Variants in WDPCP observed in about 807,000 individuals in gnomAD.
WDPCP encodes WD repeat containing planar cell polarity effector, also known as WD repeat-containing and planar cell polarity effector protein fritz homolog.
WDPCP carries 71 observed loss-of-function variants against 93.1 expected under a neutral mutation model. That is an observed-to-expected ratio of 0.76 (90% CI 0.63 to 0.93). The LOEUF is 0.93. Ranked by LOEUF, WDPCP falls within the 40% of genes least tolerant of loss-of-function variation. The pLI is 0.00. For missense variants in WDPCP, 844 were observed against 887.4 expected, an observed-to-expected ratio of 0.95 and a Z score of 0.62; for synonymous variants, 315 against 315.0, an observed-to-expected ratio of 1.00 and a Z score of 0.00.
At chr2:63,439,202 C>A (rs1697337348) in intron 7 of WDPCP, among the ~76,000 whole-genome samples, 1 of 152,092 alleles carries the variant, frequency 6.6e-6, no homozygotes, top group Non-Finnish European at 1.5e-5. Flanking sequence ...GGCTTAATAT[C>A]TTTTTCTTAT....
At chr2:63,184,311 C>T (rs1674468104) in intron 14 of WDPCP, among the ~76,000 whole-genome samples, 1 of 151,642 alleles carries the variant, frequency 6.6e-6, no homozygotes, top group Admixed American at 6.6e-5. Flanking sequence ...TTTTATAAGA[C>T]CTGTGAGTTT....
intron 17 of WDPCP, among the ~76,000 whole-genome samples, chr2:63,140,657 A>G (rs1465296198): frequency 1.3e-5 from 2 of 151,600 alleles, no homozygotes; most frequent in Non-Finnish European, 2.9e-5. Flanking sequence ...TTTGTATATT[A>G]ATCTTGTATC....
Position 63,119,585 on chromosome 2 carries a change from A to G in WDPCP, c.*2421T>C, listed in dbSNP as rs1473326653. The G allele has an allele frequency of 6.6e-6, 1 of 152,244 alleles. No homozygotes were observed. Among genetic ancestry groups the G allele is most frequent in the Non-Finnish European group, 1.5e-5 (1 of 68,038 alleles). The allele number at this position is 152,244 out of a possible 1,614,324, so 9.4% of individuals were successfully genotyped here. A position where few individuals can be genotyped will look rare whatever the true frequency, so the allele number is the denominator to read the frequency against. ...TAGCATTCCAAGCAAAGTTTATTCTAGCAATAAGACACAATGTGACAGCTA... is the reference window on the plus strand; with the variant it reads ...TAGCATTCCAAGCAAAGTTTATTCTGGCAATAAGACACAATGTGACAGCTA... On this transcript the variant is annotated 3_prime_UTR_variant, in exon 18 of 18. Transcript: ENST00000272321.
In WDPCP at chr2:63,745,130, A is replaced by G. The variant is rs138518428; in HGVS notation, n.308+68492T>C. Among the ~76,000 whole-genome samples the G allele has an allele frequency of 4.1e-3, 625 of 152,306 alleles. 3 individuals are homozygous for G. The highest frequency in any genetic ancestry group is 0.014 in the African/African-American group (585 of 41,570). Reference sequence around the variant, plus strand: ...CAAGGTATATATTTATGTTATTTTCATAAGTAATGTACTCTACTTTGAGGA... The same window carrying G: ...CAAGGTATATATTTATGTTATTTTCGTAAGTAATGTACTCTACTTTGAGGA... On this transcript the variant is annotated intron_variant and non_coding_transcript_variant, in intron 2 of 4. Coordinates refer to the WDPCP transcript ENST00000467687.
At chr2:63,149,097 T>C (rs1329020988) in intron 17 of WDPCP, among the ~76,000 whole-genome samples, 1 of 151,874 alleles carries the variant, frequency 6.6e-6, no homozygotes, top group Admixed American at 6.6e-5. Flanking sequence ...AAGCAACAAC[T>C]TGGGAGGAGT....
At chr2:63,381,144 A>G (rs1446441198) in intron 11 of WDPCP, among the ~76,000 whole-genome samples, 1 of 152,132 alleles carries the variant, frequency 6.6e-6, no homozygotes, top group Non-Finnish European at 1.5e-5. Flanking sequence ...AAAGATGCAA[A>G]TGTTAGAATG....
In WDPCP at chr2:63,370,630, A is replaced by G. The variant is rs373484187; in HGVS notation, c.1748+7756T>C. On this transcript the variant is annotated intron_variant, in intron 12 of 17. Transcript: ENST00000272321. ...CAATGGAACCTCACTTGCAAAAAAC[A>G]TCTTGGGACTGTAGTTTACTTTATA... is the stretch of plus-strand genomic sequence containing the variant. Among the ~76,000 whole-genome samples, 59 of 152,324 alleles carry G rather than the reference A, an allele frequency of 3.9e-4. 1 individual carries two copies. Among genetic ancestry groups the G allele is most frequent in the Middle Eastern group, 6.8e-3 (2 of 294 alleles).
rs187327051 is a variant in WDPCP at position 63,512,314 on chromosome 2, A to C, written c.76-19374T>G. ...GGTGGGAGTGTAAATTAGTTCAGTC[A>C]CTGTGTCAGACAGTGTGGCGATTCC... On this transcript the variant is annotated intron_variant, in intron 1 of 17. Coordinates refer to ENST00000272321, the MANE Select transcript of WDPCP (RefSeq NM_015910.7). 3.3e-4 allele frequency among the ~76,000 whole-genome samples: 51 copies of C among 152,324 alleles called. 1 individual carries two copies. The East Asian group carries it at 7.3e-3, about 22-fold the overall frequency.
chr2:63,257,559 A>G (rs950834253), intron 14 of WDPCP, among the ~76,000 whole-genome samples: 3 of 152,182 alleles, frequency 2.0e-5, no homozygotes, highest in African/African-American at 7.2e-5. Flanking sequence ...AAACATAGTA[A>G]TCTAGGTCAA....
intron 15 of WDPCP, among the ~76,000 whole-genome samples, chr2:63,156,913 G>A (rs1672295343): frequency 6.6e-6 from 1 of 152,116 alleles, no homozygotes; most frequent in Non-Finnish European, 1.5e-5. Flanking sequence ...TTTTTACCAT[G>A]TTTCCAATCT....
At chr2:63,396,504 G>A (rs933701708) in intron 10 of WDPCP, among the ~76,000 whole-genome samples, 2 of 152,142 alleles carry the variant, frequency 1.3e-5, no homozygotes, top group Non-Finnish European at 2.9e-5. Flanking sequence ...GCATTGTGGG[G>A]ACACTTTAGG....
chr2:63,603,950 C>G lies in WDPCP; in HGVS notation n.488+46709G>C, dbSNP rs557167011. ...GGGATTACAGGCGTAAGCCACCATGCCCAGCCCAAGACATAACTTTCTAAC... is the reference window on the plus strand; with the variant it reads ...GGGATTACAGGCGTAAGCCACCATGGCCAGCCCAAGACATAACTTTCTAAC... On this transcript the variant is annotated intron_variant and non_coding_transcript_variant, in intron 3 of 4. Transcript: ENST00000467687. Among the ~76,000 whole-genome samples the G allele has an allele frequency of 3.9e-5, 6 of 152,334 alleles. No homozygotes were observed. The South Asian group carries it at 1.2e-3, about 32-fold the overall frequency.
chr2:63,230,601 G>A (rs77341125), intron 14 of WDPCP, among the ~76,000 whole-genome samples: 12,725 of 152,134 alleles, frequency 0.084, 719 homozygotes, highest in South Asian at 0.15. Context: ...AGCACCTATT[G>A]TTTCCTGACT....
intron 2 of WDPCP, among the ~76,000 whole-genome samples, chr2:63,733,355 G>A (rs972864226): frequency 2.7e-5 from 4 of 149,316 alleles, no homozygotes; most frequent in Middle Eastern, 3.5e-3. Context: ...GCCCGCCACC[G>A]CGCCCGGCTA....
In WDPCP at chr2:63,303,089, G is replaced by A. The variant is rs535705679; in HGVS notation, c.1812+10159C>T. Among the ~76,000 whole-genome samples the A allele has an allele frequency of 8.7e-4, 133 of 152,302 alleles. No homozygotes were observed. In the Middle Eastern group the frequency reaches 0.01, roughly 12 times the overall value. On this transcript the variant is annotated intron_variant, in intron 13 of 17. Transcript: ENST00000272321. ...ATCCTAAAGGCACATGTATATGTCC[G>A]TGTGTTTCCTACAGGCCCCACCCAA...
At chr2:63,838,729 A>G in the WDPCP span, among the ~76,000 whole-genome samples, 1 of 152,232 alleles carries the variant, frequency 6.6e-6, no homozygotes, top group Non-Finnish European at 1.5e-5. Flanking sequence ...TGCCCAGAGA[A>G]AGCAATTTTT....
Position 63,712,616 on chromosome 2 carries a change from C to A in WDPCP, n.309-61778G>T, listed in dbSNP as rs567940241. ...GCAGCATCAGGCTTTCTCCTGTCTGCCACTACCAGTTATCTATAAGTGGGT... is the reference window on the plus strand; with the variant it reads ...GCAGCATCAGGCTTTCTCCTGTCTGACACTACCAGTTATCTATAAGTGGGT... On this transcript the variant is annotated intron_variant and non_coding_transcript_variant, in intron 2 of 4. Transcript: ENST00000467687. 1.2e-4 allele frequency among the ~76,000 whole-genome samples: 18 copies of A among 152,294 alleles called. 1 individual carries two copies. Among genetic ancestry groups the A allele is most frequent in the African/African-American group, 4.1e-4 (17 of 41,550 alleles).
intron 2 of WDPCP, among the ~76,000 whole-genome samples, chr2:63,747,097 G>A (rs958242566): frequency 7.2e-5 from 11 of 151,992 alleles, no homozygotes; most frequent in East Asian, 1.9e-4. Flanking sequence ...TTGAAATATC[G>A]GGGGCTGAAT....
intron 12 of WDPCP, among the ~76,000 whole-genome samples, chr2:63,373,307 T>C (rs1232739765): frequency 1.3e-5 from 2 of 150,590 alleles, no homozygotes; most frequent in Non-Finnish European, 3.0e-5. Flanking sequence ...CCCAGTGCAA[T>C]TGCAGGAACA....
Sources: allele counts gnomAD v4.1 joint callset (sites outside exome capture counted in the v4.1 genomes callset), GRCh38; gene constraint gnomAD v4.1.1; transcripts MANE v1.5; gene names NCBI Gene and HGNC (gene_info 2026-07-23, HGNC 2026-07-21).